The following IL1RAPL1 variants were observed in gnomAD, a reference collection of about 807,000 sequenced individuals.
The protein encoded by IL1RAPL1 is interleukin 1 receptor accessory protein like 1, also known as interleukin-1 receptor accessory protein-like 1.
IL1RAPL1 carries 3 observed loss-of-function variants against 48.4 expected under a neutral mutation model. The observed-to-expected ratio is 0.06, with a 90% CI of 0.03 to 0.16. The LOEUF (loss-of-function observed/expected upper bound fraction) is 0.16. IL1RAPL1 is among the 10% of genes least tolerant of loss of function. The pLI is 1.00. For missense variants in IL1RAPL1, 349 were observed against 530.6 expected (o/e 0.66, Z 3.36); for synonymous variants, 185 against 187.7 (o/e 0.99, Z 0.12).
At chrX:29,336,269 C>CATAT (rs57126796) in intron 3 of IL1RAPL1, among the ~76,000 whole-genome samples, 2,288 of 57,415 alleles carry the variant, frequency 0.04, 161 homozygotes, top group Admixed American at 0.13. Flanking sequence ...ATATATATGC[C>CATAT]ATATATATAT....
At chrX:29,166,907 G>A (rs749702688) in intron 2 of IL1RAPL1, among the ~76,000 whole-genome samples, 1 of 111,860 alleles carries the variant, frequency 8.9e-6, no homozygotes, top group South Asian at 3.7e-4. Context: ...CTTTTCATGC[G>A]TGAATTTCCA....
intron 6 of IL1RAPL1, among the ~76,000 whole-genome samples, chrX:29,780,114 T>A (rs761218101): frequency 3.6e-5 from 4 of 111,779 alleles, no homozygotes; most frequent in Non-Finnish European, 5.7e-5. Flanking sequence ...TCAACTCCAA[T>A]GTCAAGTAAG....
chrX:28,781,175 C>T (rs1156664520), intron 1 of IL1RAPL1, among the ~76,000 whole-genome samples: 1 of 110,800 alleles, frequency 9.0e-6, no homozygotes, highest in Non-Finnish European at 1.9e-5. Context: ...GGTTAGCTGA[C>T]TCAGTTCAGG....
At chrX:28,624,815 C>T (rs1185150111) in intron 1 of IL1RAPL1, among the ~76,000 whole-genome samples, 2 of 112,006 alleles carry the variant, frequency 1.8e-5, no homozygotes, top group African/African-American at 6.5e-5. Context: ...TTGTAGTCCC[C>T]AATGACTCTG....
intron 1 of IL1RAPL1, among the ~76,000 whole-genome samples, chrX:28,613,358 C>A (rs1176735714): frequency 8.9e-6 from 1 of 112,223 alleles, no homozygotes; most frequent in Non-Finnish European, 1.9e-5. Context: ...GGAAACAGGG[C>A]ATGTATTAGA....
chrX:29,526,391 A>G (rs1010111116), intron 5 of IL1RAPL1, among the ~76,000 whole-genome samples: 13 of 111,777 alleles, frequency 1.2e-4, no homozygotes, highest in Admixed American at 8.6e-4. Context: ...CAGTAATGCT[A>G]AAGTCTGGAA....
chrX:28,761,270 G>A (rs1419706048), intron 1 of IL1RAPL1, among the ~76,000 whole-genome samples: 2 of 110,319 alleles, frequency 1.8e-5, no homozygotes, highest in Non-Finnish European at 3.8e-5. Context: ...GGTATATACC[G>A]AGAGGAAAAT....
chrX:29,840,081 G>A (rs1338345242), intron 6 of IL1RAPL1, among the ~76,000 whole-genome samples: 1 of 112,071 alleles, frequency 8.9e-6, no homozygotes, highest in Non-Finnish European at 1.9e-5. Context: ...GGCTAGAAGA[G>A]GTCATAACGG....
At chrX:29,619,639 T>A (rs1238183470) in intron 5 of IL1RAPL1, among the ~76,000 whole-genome samples, 1 of 111,646 alleles carries the variant, frequency 9.0e-6, no homozygotes, top group Non-Finnish European at 1.9e-5. Flanking sequence ...CTCCTTAGAA[T>A]AGACAGATAT....
chrX:28,887,940 AAAAT>A lies in IL1RAPL1; in HGVS notation c.82+98521_82+98524del, dbSNP rs199842321. ...TTATTTTGAATCAACTAGCAATGAA[AAAAT>A]AAATATTCATATTTAATATGACCAT... On this transcript the variant is annotated intron_variant, in intron 2 of 10. Transcript: ENST00000378993. Among the ~76,000 whole-genome samples, 671 of 111,928 alleles carry A rather than the reference AAAAT, an allele frequency of 6.0e-3. 3 individuals carry two copies. Among genetic ancestry groups the A allele is most frequent in the African/African-American group, 0.021 (638 of 30,875 alleles).
rs756975613 is a variant in IL1RAPL1, at chrX:29,368,510, T to A, written c.363-27748T>A. Among the ~76,000 whole-genome samples the A allele has an allele frequency of 4.5e-5, 5 of 111,239 alleles. No individual in the cohort carries two copies. The East Asian group carries it at 1.4e-3, about 31-fold the overall frequency. On this transcript the variant is annotated intron_variant, in intron 3 of 10. Transcript: ENST00000378993. ...AATCCTCCCACCTAAGGCTGTGGAG[T>A]AGCTGGGATCACAGGTATGTGCCAC...
rs1388119563 is a variant in IL1RAPL1 at position 28,980,236 on chromosome X, A to G, written c.82+190811A>G. The stretch of plus-strand genomic sequence containing the variant: ...TACACAGTCTGTTTCACAAATGTGA[A>G]CAAACTGATTTCTCTGCCATCCCAG... On this transcript the variant is annotated intron_variant, in intron 2 of 10. Transcript: ENST00000378993. 4.4e-5 allele frequency among the ~76,000 whole-genome samples: 5 copies of G among 112,535 alleles called. No individual in the cohort carries two copies. In the Admixed American group the frequency reaches 4.7e-4, roughly 11 times the overall value.
chrX:29,016,043 T>C (rs182232743), intron 2 of IL1RAPL1, among the ~76,000 whole-genome samples: 143 of 111,776 alleles, frequency 1.3e-3, no homozygotes, highest in African/African-American at 4.6e-3. Context: ...CAGTAGATTG[T>C]GATAAGTGCT....
rs113523508 is a variant in IL1RAPL1 at position 28,923,184 on chromosome X, C to T, written c.82+133759C>T. Among the ~76,000 whole-genome samples, 613 of 107,880 alleles carry T rather than the reference C, an allele frequency of 5.7e-3. 5 individuals are homozygous for T. The highest frequency in any genetic ancestry group is 0.02 in the African/African-American group (583 of 28,483). 93.7% of individuals were successfully genotyped at this position (107,880 alleles called of 115,157 possible). On this transcript the variant is annotated intron_variant, in intron 2 of 10. Coordinates refer to ENST00000378993, the MANE Select transcript of IL1RAPL1 (RefSeq NM_014271.4). ...TTGTACGTTTCTTTTTCTTTCTTTTCTTTTTTTTTGAGAAGGAGTTTCGCT... is the reference window on the plus strand; with the variant it reads ...TTGTACGTTTCTTTTTCTTTCTTTTTTTTTTTTTTGAGAAGGAGTTTCGCT...
chrX:28,641,148 G>T (rs1411443390), intron 1 of IL1RAPL1, among the ~76,000 whole-genome samples: 7 of 109,204 alleles, frequency 6.4e-5, no homozygotes, highest in Non-Finnish European at 1.1e-4. Flanking sequence ...ACATGCCGTG[G>T]TGGTTTGCTG....
At chrX:29,802,748 T>C (rs1929942774) in intron 6 of IL1RAPL1, among the ~76,000 whole-genome samples, 1 of 8,527 alleles carries the variant, frequency 1.2e-4, no homozygotes, top group Non-Finnish European at 2.2e-4. Flanking sequence ...AGGAAAAAAT[T>C]ATATATATAT....
chrX:29,028,996 C>A (rs1176437056), intron 2 of IL1RAPL1, among the ~76,000 whole-genome samples: 1 of 111,439 alleles, frequency 9.0e-6, no homozygotes, highest in Non-Finnish European at 1.9e-5. Flanking sequence ...TTCCACATTG[C>A]TGGGAAGGCC....
At position 29,702,179 on chromosome X, in the gene IL1RAPL1, C is replaced by T. The variant is rs764001756; in HGVS notation, c.778+33675C>T. On this transcript the variant is annotated intron_variant, in intron 6 of 10. Coordinates refer to ENST00000378993, the MANE Select transcript of IL1RAPL1 (RefSeq NM_014271.4). The stretch of plus-strand genomic sequence containing the variant: ...CTGAGGCAAGAGAATCACTTGAACC[C>T]GGGGACGGAGGTTGCAGTGAGCCGA... 1.5e-4 allele frequency among the ~76,000 whole-genome samples: 16 copies of T among 107,757 alleles called. No homozygotes were observed. In the South Asian group the frequency reaches 5.9e-3, roughly 40 times the overall value. 93.6% of individuals were successfully genotyped at this position (107,757 alleles called of 115,157 possible).
chrX:29,676,715 G>A (rs2147103538), intron 6 of IL1RAPL1, among the ~76,000 whole-genome samples: 1 of 111,223 alleles, frequency 9.0e-6, no homozygotes, highest in South Asian at 3.8e-4. Context: ...TTTGTAAACA[G>A]AGGAAATTCA....
Sources: gnomAD v4.1 joint callset for allele counts (sites outside exome capture counted in the v4.1 genomes callset) on GRCh38, gnomAD v4.1.1 for gene constraint, MANE v1.5 for transcripts, NCBI Gene and HGNC (gene_info 2026-07-23, HGNC 2026-07-21) for gene names.